Variants in QTMAN observed in about 807,000 individuals in gnomAD.
The protein encoded by QTMAN is tRNA-queuosine alpha-mannosyltransferase.
chr2:144,067,179 A>G, the QTMAN span, among the ~76,000 whole-genome samples: 1 of 152,250 alleles, frequency 6.6e-6, no homozygotes, highest in Non-Finnish European at 1.5e-5. Context: ...GAAAGACATA[A>G]TATCTTGCCA....
chr2:143,966,041 G>GT, the QTMAN span, among the ~76,000 whole-genome samples: 10 of 151,034 alleles, frequency 6.6e-5, no homozygotes, highest in East Asian at 5.8e-4. Context: ...TATATTTACT[G>GT]TTTTTTTTTC....
At chr2:144,272,610 T>C in the QTMAN span, among the ~76,000 whole-genome samples, 3 of 152,194 alleles carry the variant, frequency 2.0e-5, no homozygotes, top group African/African-American at 7.2e-5. Flanking sequence ...ACAGTTTTAC[T>C]GACACAGTAT....
At chr2:144,177,070 T>C in the QTMAN span, 6 of 604,248 alleles carry the variant, frequency 9.9e-6, no homozygotes, top group Admixed American at 2.7e-5. Context: ...AAGAATTCTA[T>C]CACAAGGACA....
the QTMAN span, among the ~76,000 whole-genome samples, chr2:144,206,994 CAA>C: frequency 1.3e-5 from 2 of 152,026 alleles, no homozygotes; most frequent in Non-Finnish European, 2.9e-5. Flanking sequence ...ATTGGTGCTG[CAA>C]AAACACAATT....
At chr2:144,162,090 C>A in the QTMAN span, among the ~76,000 whole-genome samples, 1 of 152,118 alleles carries the variant, frequency 6.6e-6, no homozygotes, top group Non-Finnish European at 1.5e-5. Context: ...ATAGACCTAA[C>A]AAAAATCAGT....
the QTMAN span, among the ~76,000 whole-genome samples, chr2:144,112,943 C>T: frequency 6.6e-6 from 1 of 152,058 alleles, no homozygotes; most frequent in South Asian, 2.1e-4. Context: ...TAAGGCAGCA[C>T]CCCCTTCACA....
chr2:143,979,002 T>C, the QTMAN span, among the ~76,000 whole-genome samples: 34 of 152,324 alleles, frequency 2.2e-4, no homozygotes, highest in African/African-American at 8.2e-4. Flanking sequence ...TTTGCAAGAA[T>C]TGTTGTATTT....
At chr2:144,057,125 G>A in the QTMAN span, among the ~76,000 whole-genome samples, 1 of 152,196 alleles carries the variant, frequency 6.6e-6, no homozygotes, top group Non-Finnish European at 1.5e-5. Context: ...AGGTGGCCAA[G>A]ACGTTGAACT....
chr2:144,247,355 A>T, the QTMAN span, among the ~76,000 whole-genome samples: 1 of 152,246 alleles, frequency 6.6e-6, no homozygotes, highest in Non-Finnish European at 1.5e-5. Context: ...GGCATTATTA[A>T]TTTCATGAAA....
the QTMAN span, among the ~76,000 whole-genome samples, chr2:144,309,431 T>C: frequency 1.3e-5 from 2 of 152,222 alleles, no homozygotes; most frequent in African/African-American, 2.4e-5. Context: ...AGAACACTAT[T>C]CTTTACTGAA....
chr2:144,012,500 A>G, the QTMAN span, among the ~76,000 whole-genome samples: 1 of 152,326 alleles, frequency 6.6e-6, no homozygotes, highest in South Asian at 2.1e-4. Flanking sequence ...TCACAGAGGT[A>G]GTCAGAAGGC....
At chr2:144,261,581 G>C in the QTMAN span, among the ~76,000 whole-genome samples, 1 of 152,104 alleles carries the variant, frequency 6.6e-6, no homozygotes, top group Non-Finnish European at 1.5e-5. Context: ...AAAGTGGTAA[G>C]CATTCTCAAA....
At chr2:144,052,121 C>T in the QTMAN span, among the ~76,000 whole-genome samples, 2 of 151,872 alleles carry the variant, frequency 1.3e-5, no homozygotes, top group Non-Finnish European at 2.9e-5. Flanking sequence ...TTGTAGGCCC[C>T]CAGTAAAGGG....
At chr2:144,228,006 T>G in the QTMAN span, among the ~76,000 whole-genome samples, 1 of 152,160 alleles carries the variant, frequency 6.6e-6, no homozygotes, top group Non-Finnish European at 1.5e-5. Flanking sequence ...AGAGAAAGTA[T>G]CCATGGGAAG....
the QTMAN span, among the ~76,000 whole-genome samples, chr2:144,164,476 G>A: frequency 6.6e-6 from 1 of 152,018 alleles, no homozygotes; most frequent in Non-Finnish European, 1.5e-5. Context: ...CAATATCTGA[G>A]AATTGTTTTA....
the QTMAN span, among the ~76,000 whole-genome samples, chr2:144,303,441 ATG>A: frequency 5.9e-5 from 9 of 152,192 alleles, no homozygotes; most frequent in African/African-American, 2.2e-4. Context: ...TGGCCTCAAT[ATG>A]GACAAAATAC....
At chr2:144,000,847 A>C in the QTMAN span, among the ~76,000 whole-genome samples, 3 of 152,028 alleles carry the variant, frequency 2.0e-5, no homozygotes, top group African/African-American at 7.2e-5. Flanking sequence ...ATTTACACAT[A>C]ACATTGAAAT....
At chr2:143,976,023 G>C in the QTMAN span, among the ~76,000 whole-genome samples, 2 of 152,186 alleles carry the variant, frequency 1.3e-5, no homozygotes, top group South Asian at 2.1e-4. Flanking sequence ...TTACATTCCA[G>C]ATTCCATGTT....
the QTMAN span, among the ~76,000 whole-genome samples, chr2:144,149,299 C>T: frequency 6.6e-6 from 1 of 151,906 alleles, no homozygotes; most frequent in Non-Finnish European, 1.5e-5. Context: ...ACAGCTGCTG[C>T]TTGAGCACAA....
Sources: allele counts gnomAD v4.1 joint callset (sites outside exome capture counted in the v4.1 genomes callset), GRCh38; gene constraint gnomAD v4.1.1; transcripts MANE v1.5; gene names NCBI Gene and HGNC (gene_info 2026-07-23, HGNC 2026-07-21).